ACTA2: variants seen among roughly 807,000 people sequenced by gnomAD.
ACTA2 encodes the protein actin alpha 2, smooth muscle.
ACTA2 carries 12 observed loss-of-function variants against 39.5 expected under a neutral mutation model. The observed-to-expected ratio is 0.30, with a 90% CI of 0.19 to 0.49. ACTA2 has a LOEUF of 0.49. Among genes scored for constraint, ACTA2 ranks in the 20% least tolerant of loss-of-function variants. ACTA2 has a pLI of 0.99. For missense variants in ACTA2, 236 were observed against 498.8 expected (o/e 0.47, Z 5.02); for synonymous variants, 158 against 180.6 (o/e 0.88, Z 1.00).
chr10:88,942,713 T>C (rs373050154), intron 4 of ACTA2, among the ~76,000 whole-genome samples: 38 of 152,132 alleles, frequency 2.5e-4, no homozygotes, highest in Admixed American at 1.2e-3. Flanking sequence ...ATGTCTGACA[T>C]CATTTGCTAG....
At chr10:88,979,521 A>G (rs113619950) in intron 1 of ACTA2, among the ~76,000 whole-genome samples, 5 of 152,140 alleles carry the variant, frequency 3.3e-5, no homozygotes, top group African/African-American at 1.2e-4. Flanking sequence ...GGCAGCAATA[A>G]CCCTAATGAA....
intron 1 of ACTA2, among the ~76,000 whole-genome samples, chr10:88,968,234 T>C (rs927841278): frequency 2.6e-5 from 4 of 152,232 alleles, no homozygotes; most frequent in Non-Finnish European, 4.4e-5. Context: ...TCCAGAATAT[T>C]TGACTAACCA....
upstream of ACTA2, among the ~76,000 whole-genome samples, chr10:88,955,016 C>CAA (rs768193000): frequency 0.011 from 831 of 72,750 alleles, 16 homozygotes; most frequent in African/African-American, 0.033. Flanking sequence ...TAGTGTCACA[C>CAA]AAAAAAAAAA....
At chr10:88,942,212 C>T (rs572522347) in intron 4 of ACTA2, among the ~76,000 whole-genome samples, 1 of 152,274 alleles carries the variant, frequency 6.6e-6, no homozygotes, top group Non-Finnish European at 1.5e-5. Flanking sequence ...TATTCCAGGT[C>T]TCTTAACAGA....
At chr10:88,948,024 A>C (rs1845983976) in intron 2 of ACTA2, among the ~76,000 whole-genome samples, 1 of 152,218 alleles carries the variant, frequency 6.6e-6, no homozygotes, top group Non-Finnish European at 1.5e-5. Context: ...ACTAGATTTT[A>C]AATTGCACTG....
At chr10:88,968,561 G>A (rs1846364743) in intron 1 of ACTA2, among the ~76,000 whole-genome samples, 1 of 152,132 alleles carries the variant, frequency 6.6e-6, no homozygotes, top group Admixed American at 6.6e-5. Flanking sequence ...TACTTTTTTG[G>A]TAGAGAGGAA....
At chr10:88,969,563 A>T (rs1846385985) in intron 1 of ACTA2, among the ~76,000 whole-genome samples, 1 of 152,122 alleles carries the variant, frequency 6.6e-6, no homozygotes, top group Non-Finnish European at 1.5e-5. Context: ...TTATGTTTGC[A>T]GCATCAAGAT....
chr10:88,939,441 G>A (rs1845807039), intron 7 of ACTA2, 66 bp downstream of exon 7: 3 of 1,601,402 alleles, frequency 1.9e-6, no homozygotes, highest in South Asian at 2.2e-5. Flanking sequence ...CCATGTTCTG[G>A]AGGCTGGCTT....
chr10:88,975,151 AT>A (rs1846533512), intron 1 of ACTA2: 2 of 116,496 alleles, frequency 1.7e-5, no homozygotes, highest in African/African-American at 6.0e-5. Context: ...GCTGTCAACG[AT>A]TAAAAAAAAA....
chr10:88,965,138 G>A (rs1300067585), intron 1 of ACTA2, among the ~76,000 whole-genome samples: 1 of 152,132 alleles, frequency 6.6e-6, no homozygotes, highest in Admixed American at 6.6e-5. Flanking sequence ...CAGGGAGAAT[G>A]CTCCAATCAC....
At chr10:88,938,476 G>C in intron 7 of ACTA2, 1 of 532,752 alleles carries the variant, frequency 1.9e-6, no homozygotes, top group Non-Finnish European at 3.4e-6. Context: ...GGCTACAACA[G>C]GTATCACTGA....
chr10:88,981,695 C>T (rs756393305), intron 1 of ACTA2, among the ~76,000 whole-genome samples: 1 of 152,016 alleles, frequency 6.6e-6, no homozygotes, highest in Non-Finnish European at 1.5e-5. Context: ...GAGAGAGAGG[C>T]TGGATGGGGG....
At position 88,973,266 on chromosome 10, in the gene ACTA2, C is replaced by T. The variant is rs768293030; in HGVS notation, c.-24+17673G>A. On this transcript the variant is annotated intron_variant, in intron 1 of 4. Coordinates refer to the ACTA2 transcript ENST00000415557. Reference sequence around the variant, plus strand: ...AATTGGCTATGGACCAAATGGATTCCCACTCTTGGGGATCTCTAGGTCATC... The same window carrying T: ...AATTGGCTATGGACCAAATGGATTCTCACTCTTGGGGATCTCTAGGTCATC... The T allele has an allele frequency of 3.7e-6, 6 of 1,612,244 alleles. No individual in the cohort carries two copies. In the African/African-American group the frequency reaches 6.7e-5, roughly 18 times the overall value.
chr10:88,989,644 A>G, intron 1 of ACTA2: 1 of 504,528 alleles, frequency 2.0e-6, no homozygotes, highest in Non-Finnish European at 3.9e-6. Context: ...AACCTAACCT[A>G]GATTTGAGGG....
intron 8 of ACTA2, among the ~76,000 whole-genome samples, chr10:88,936,749 C>A (rs1304012316): frequency 6.6e-6 from 1 of 152,120 alleles, no homozygotes; most frequent in East Asian, 1.9e-4. Flanking sequence ...ACAAATTACC[C>A]AAGTCTTAGG....
chr10:88,954,971 G>A (rs3758486), upstream of ACTA2, among the ~76,000 whole-genome samples: 1,070 of 137,102 alleles, frequency 7.8e-3, 25 homozygotes, highest in East Asian at 0.1. Context: ...CAGCAGCCAT[G>A]TATCCAAGGG....
At chr10:88,973,207 T>C (rs774518423) in intron 1 of ACTA2, 3 of 1,612,468 alleles carry the variant, frequency 1.9e-6, no homozygotes, top group African/African-American at 1.3e-5. Context: ...TCTGGGATAA[T>C]TTCTGGCACT....
At chr10:88,971,745 T>C (rs1846452051) in intron 1 of ACTA2, among the ~76,000 whole-genome samples, 1 of 152,150 alleles carries the variant, frequency 6.6e-6, no homozygotes, top group Non-Finnish European at 1.5e-5. Flanking sequence ...TTGTGCAATA[T>C]CCCTCTTTTT....
chr10:88,947,212 G>A (rs749832760), intron 3 of ACTA2, 46 bp downstream of exon 3: 2 of 1,612,910 alleles, frequency 1.2e-6, no homozygotes. Context: ...AGAGAACACA[G>A]GGATTATGCA....
Sources: allele counts gnomAD v4.1 joint callset (sites outside exome capture counted in the v4.1 genomes callset), GRCh38; gene constraint gnomAD v4.1.1; transcripts MANE v1.5; gene names NCBI Gene and HGNC (gene_info 2026-07-23, HGNC 2026-07-21).